Variants in KIAA1217 observed in about 807,000 individuals in gnomAD.
The protein encoded by KIAA1217 is sickle tail protein homolog.
A neutral mutation model predicts 163.9 loss-of-function variants in KIAA1217; 88 were observed. The ratio of observed to expected loss-of-function variants is 0.54; its 90% CI spans 0.45 to 0.64. KIAA1217 has a LOEUF of 0.64. Among genes scored for constraint, KIAA1217 ranks in the 30% least tolerant of loss-of-function variants. The pLI is 0.00. For missense variants in KIAA1217, 2,372 were observed against 2,475.0 expected (o/e 0.96, Z 0.88); for synonymous variants, 903 against 923.1 (o/e 0.98, Z 0.39).
chr10:24,338,070 A>G (rs1271786109), intron 2 of KIAA1217, among the ~76,000 whole-genome samples: 1 of 152,184 alleles, frequency 6.6e-6, no homozygotes, highest in Non-Finnish European at 1.5e-5. Context: ...GCAACCAACA[A>G]ATGGCCAATG....
chr10:23,912,864 T>C (rs1376609914), intron 1 of KIAA1217, among the ~76,000 whole-genome samples: 2 of 152,166 alleles, frequency 1.3e-5, no homozygotes, highest in Non-Finnish European at 1.5e-5. Context: ...ATTTAGACAC[T>C]GGCTGCAGGA....
At chr10:23,873,094 AG>A (rs1026449129) in intron 1 of KIAA1217, among the ~76,000 whole-genome samples, 5 of 152,116 alleles carry the variant, frequency 3.3e-5, no homozygotes, top group Admixed American at 2.0e-4. Flanking sequence ...CCAAGTTAGA[AG>A]CAGGATATTC....
intron 2 of KIAA1217, among the ~76,000 whole-genome samples, chr10:24,090,164 CTTTTT>C (rs1162687231): frequency 1.8e-5 from 2 of 109,236 alleles, no homozygotes; most frequent in Non-Finnish European, 3.6e-5. Context: ...TTTTCTTTTT[CTTTTT>C]TTTTTTTTTT....
chr10:24,209,374 AG>A lies in KIAA1217; in HGVS notation c.70+113del, dbSNP rs2067786609. 11 of 776,076 alleles carry A rather than the reference AG, an allele frequency of 1.4e-5. No homozygotes were observed. The African/African-American group carries it at 1.6e-4, about 11-fold the overall frequency. The allele number at this position is 776,076 out of a possible 1,614,324, so 48.1% of individuals were successfully genotyped here. A position where few individuals can be genotyped will look rare whatever the true frequency, so the allele number is the denominator to read the frequency against. On this transcript the variant is annotated intron_variant, in intron 1 of 20. Coordinates refer to ENST00000376454, the MANE Select transcript of KIAA1217 (RefSeq NM_019590.5). Reference sequence around the variant, plus strand: ...ACCCGGCAAAGGAAAAAAAAAAAAAAGGCAATTTCTTGGGATGGTACATTTT... The same window carrying A: ...ACCCGGCAAAGGAAAAAAAAAAAAAAGCAATTTCTTGGGATGGTACATTTT...
intron 2 of KIAA1217, among the ~76,000 whole-genome samples, chr10:24,268,960 C>CA (rs1317770251): frequency 5.5e-5 from 8 of 144,322 alleles, no homozygotes; most frequent in African/African-American, 2.1e-4. Flanking sequence ...ATCGCAAGGA[C>CA]AAAAAACCAA....
At chr10:24,153,342 G>C (rs372562006) in intron 2 of KIAA1217, among the ~76,000 whole-genome samples, 5 of 152,196 alleles carry the variant, frequency 3.3e-5, no homozygotes, top group African/African-American at 1.2e-4. Context: ...ATCATATTCT[G>C]TGTTTTCGAG....
At chr10:24,102,539 A>T (rs1187939377) in intron 2 of KIAA1217, among the ~76,000 whole-genome samples, 2 of 152,200 alleles carry the variant, frequency 1.3e-5, no homozygotes, top group Non-Finnish European at 2.9e-5. Flanking sequence ...CAATAAACTG[A>T]TTCTAACATT....
chr10:23,810,973 AT>A (rs1837010677), intron 1 of KIAA1217, among the ~76,000 whole-genome samples: 3 of 118,602 alleles, frequency 2.5e-5, no homozygotes, highest in Non-Finnish European at 4.8e-5. Flanking sequence ...AGTATATATT[AT>A]ATACTATAGT....
intron 1 of KIAA1217, among the ~76,000 whole-genome samples, chr10:23,869,340 G>A (rs1293085414): frequency 6.6e-6 from 1 of 151,940 alleles, no homozygotes; most frequent in Non-Finnish European, 1.5e-5. Context: ...GGTCTCCGCT[G>A]AAATAAACGT....
chr10:24,192,755 T>C (rs1752916734), intron 2 of KIAA1217, among the ~76,000 whole-genome samples: 1 of 152,172 alleles, frequency 6.6e-6, no homozygotes, highest in Admixed American at 6.5e-5. Flanking sequence ...AGCAAGACCT[T>C]GGGAAGATTA....
intron 3 of KIAA1217, among the ~76,000 whole-genome samples, chr10:24,411,656 A>G (rs921625871): frequency 1.3e-5 from 2 of 152,206 alleles, no homozygotes; most frequent in Non-Finnish European, 2.9e-5. Flanking sequence ...AAATTTTCTT[A>G]AATTGAGACA....
chr10:24,039,476 C>T (rs1287781254), intron 2 of KIAA1217, among the ~76,000 whole-genome samples: 2 of 152,120 alleles, frequency 1.3e-5, no homozygotes, highest in Non-Finnish European at 2.9e-5. Context: ...ACCCCCTTGT[C>T]AGCCACACAA....
chr10:24,118,502 A>G (rs1228545913), intron 2 of KIAA1217, among the ~76,000 whole-genome samples: 1 of 152,174 alleles, frequency 6.6e-6, no homozygotes, highest in Admixed American at 6.5e-5. Flanking sequence ...TTCCTTTACT[A>G]CAAGGGACTT....
At position 24,251,204 on chromosome 10, in the gene KIAA1217, C is replaced by T. The variant is rs184586899; in HGVS notation, c.354+31295C>T. On this transcript the variant is annotated intron_variant, in intron 2 of 20. Transcript: ENST00000376454. The stretch of plus-strand genomic sequence containing the variant: ...TCACACCACTGCACTCCAGCCTGGG[C>T]GACAGAGTGAGACTATGTCTCAAAA... Among the ~76,000 whole-genome samples, 476 of 151,808 alleles carry T rather than the reference C, an allele frequency of 3.1e-3. 1 individual carries two copies. Among genetic ancestry groups the T allele is most frequent in the Non-Finnish European group, 5.6e-3 (377 of 67,922 alleles).
intron 2 of KIAA1217, among the ~76,000 whole-genome samples, chr10:24,115,791 G>A (rs1291627833): frequency 6.6e-6 from 1 of 152,192 alleles, no homozygotes; most frequent in African/African-American, 2.4e-5. Context: ...TTGGAACTGG[G>A]GAGGTTCCTG....
At chr10:24,266,912 A>G (rs1343159257) in intron 2 of KIAA1217, among the ~76,000 whole-genome samples, 3 of 152,158 alleles carry the variant, frequency 2.0e-5, no homozygotes, top group Non-Finnish European at 4.4e-5. Flanking sequence ...GGTCGGTGCC[A>G]TCTTTAAAAG....
rs768343509 is a variant in KIAA1217 at position 24,545,029 on chromosome 10, G to T, written c.5260G>T (p.Ala1754Ser). The change falls in exon 20 of 21, where the codon GCC (alanine) becomes TCC (serine). Residue 1754 changes from alanine to serine, a missense_variant. Ala to Ser is a moderately conservative substitution (Grantham distance 99). Transcript: ENST00000376454. Reference sequence around the variant, plus strand: ...GAGCAGGATGCCTGTCCCCATGAGTGCCAAGAACAGACCCGGAACCCTGGA... The same window carrying T: ...GAGCAGGATGCCTGTCCCCATGAGTTCCAAGAACAGACCCGGAACCCTGGA... ...QTSRMPVPMS[A>S]KNRPGTLDKP... 1 of 1,614,004 alleles carries T rather than the reference G, an allele frequency of 6.2e-7. No individual in the cohort carries two copies. Among genetic ancestry groups the T allele is most frequent in the African/African-American group, 1.3e-5 (1 of 74,894 alleles).
chr10:24,095,982 C>T (rs2062144480), intron 2 of KIAA1217, among the ~76,000 whole-genome samples: 1 of 152,138 alleles, frequency 6.6e-6, no homozygotes, highest in African/African-American at 2.4e-5. Flanking sequence ...GTGGTATGCA[C>T]CTGTAGTCCC....
chr10:23,858,690 A>G (rs145744321), intron 1 of KIAA1217, among the ~76,000 whole-genome samples: 61 of 152,132 alleles, frequency 4.0e-4, no homozygotes, highest in African/African-American at 1.3e-3. Flanking sequence ...CCAGTCTTCA[A>G]CCCTCACTGA....
Sources: gnomAD v4.1 joint callset for allele counts (sites outside exome capture counted in the v4.1 genomes callset) on GRCh38, gnomAD v4.1.1 for gene constraint, MANE v1.5 for transcripts, NCBI Gene and HGNC (gene_info 2026-07-23, HGNC 2026-07-21) for gene names.